The following EDC4 variants were observed in gnomAD, a reference collection of about 807,000 sequenced individuals.
EDC4 encodes enhancer of mRNA-decapping protein 4.
A neutral mutation model predicts 155.8 loss-of-function variants in EDC4; 64 were observed. The ratio of observed to expected loss-of-function variants is 0.41; its 90% CI spans 0.34 to 0.51. The LOEUF (loss-of-function observed/expected upper bound fraction) is 0.51, where lower values mean the gene tolerates loss of function less well. EDC4 is among the 20% of genes least tolerant of loss of function. EDC4 has a pLI of 0.19. For synonymous variants in EDC4, 684 were observed against 716.8 expected (o/e 0.95, Z 0.73); for missense variants, 1,303 against 1,812.5 (o/e 0.72, Z 5.10).
chr16:67,875,077 A>G (rs1463041517), intron 1 of EDC4, among the ~76,000 whole-genome samples: 2 of 152,126 alleles, frequency 1.3e-5, no homozygotes, highest in Non-Finnish European at 2.9e-5. Context: ...GAAACTTGCT[A>G]TGTTCTGAAT....
At position 67,881,548 on chromosome 16, in the gene EDC4, C is replaced by A; in HGVS notation, c.2826+15C>A. On this transcript the variant is annotated intron_variant, in intron 21 of 28. Coordinates refer to ENST00000358933, the MANE Select transcript of EDC4 (RefSeq NM_014329.5). This position sits in a 1 kb window ranked among gnomAD's most constrained non-coding sequence, Gnocchi z 5.4. The stretch of plus-strand genomic sequence containing the variant: ...CAGAGCACCAGGTAAGTGAATGAGC[C>A]CACTTTGTACTTGTGGAACTTCACC... 4 of 1,613,774 alleles carry A rather than the reference C, an allele frequency of 2.5e-6. No individual in the cohort carries two copies. The highest frequency in any genetic ancestry group is 2.5e-6 in the Non-Finnish European group (3 of 1,180,020).
Position 67,884,269 on chromosome 16 carries a change from G to C in EDC4, c.*121G>C. 1 of 980,846 alleles carries C rather than the reference G, an allele frequency of 1.0e-6. No individual in the cohort carries two copies. The highest frequency in any genetic ancestry group is 2.9e-5 in the Admixed American group (1 of 34,558). The allele number at this position is 980,846 out of a possible 1,614,324, so 60.8% of individuals were successfully genotyped here. Reference sequence around the variant, plus strand: ...GGCCCCCATCTCTGGGGTGTTTGGGGGTCAGGGAGCAGGGAGCACTGGCCG... The same window carrying C: ...GGCCCCCATCTCTGGGGTGTTTGGGCGTCAGGGAGCAGGGAGCACTGGCCG... On this transcript the variant is annotated 3_prime_UTR_variant, in exon 29 of 29. Coordinates refer to ENST00000358933, the MANE Select transcript of EDC4 (RefSeq NM_014329.5). The surrounding 1 kb of genome is among the most constrained non-coding windows in gnomAD (Gnocchi z 4.1).
In EDC4 at chr16:67,883,657, C is replaced by T. The variant is rs772013203; in HGVS notation, c.3939C>T (p.Leu1313=). The part of the protein sequence containing the change: ...AQVFGQPPCP[L]SQPVLLSLIQ... ...TTTTTGGGCAGCCACCCTGCCCGCTCTCCCAGCCTGTGCTCCTTTCCCTCA... is the reference window on the plus strand; with the variant it reads ...TTTTTGGGCAGCCACCCTGCCCGCTTTCCCAGCCTGTGCTCCTTTCCCTCA... Residue 1313 remains leucine, a synonymous_variant, in exon 28 of 29, where the codon CTC becomes CTT. Coordinates refer to ENST00000358933, the MANE Select transcript of EDC4 (RefSeq NM_014329.5). The surrounding 1 kb of genome is among the most constrained non-coding windows in gnomAD (Gnocchi z 5.3). 6.2e-7 allele frequency: 1 copy of T among 1,614,230 alleles called. No individual in the cohort carries two copies. Among genetic ancestry groups the T allele is most frequent in the Non-Finnish European group, 8.5e-7 (1 of 1,180,046 alleles).
In EDC4 at chr16:67,876,749, C is replaced by T; in HGVS notation, c.352-124C>T. On this transcript the variant is annotated intron_variant, in intron 3 of 28. Transcript: ENST00000358933. The surrounding 1 kb of genome is among the most constrained non-coding windows in gnomAD (Gnocchi z 5.8). ...CTGGGTGCCAAGCCTCTGTGGGAGT[C>T]TGGCTCCAGGAGGTAACAGTGGGTA... is the stretch of plus-strand genomic sequence containing the variant. 4 of 1,557,824 alleles carry T rather than the reference C, an allele frequency of 2.6e-6. No individual in the cohort carries two copies. Among genetic ancestry groups the T allele is most frequent in the Non-Finnish European group, 3.5e-6 (4 of 1,150,256 alleles).
At chr16:67,873,752 C>T (rs1406526701) in intron 1 of EDC4, among the ~76,000 whole-genome samples, 2 of 152,102 alleles carry the variant, frequency 1.3e-5, no homozygotes, top group East Asian at 1.9e-4. Context: ...GCTGCCGGTC[C>T]CCCTCCATAA....
chr16:67,878,707 G>A lies in EDC4; in HGVS notation c.1185-30G>A. ...GAATGTAGCTTCCTTCAGTTCTCAG[G>A]CTCATTCACTCTGCTTTGTGGCTCT... On this transcript the variant is annotated intron_variant, in intron 10 of 28. Coordinates refer to ENST00000358933, the MANE Select transcript of EDC4 (RefSeq NM_014329.5). This position sits in a 1 kb window ranked among gnomAD's most constrained non-coding sequence, Gnocchi z 5.2. 1.2e-6 allele frequency: 2 copies of A among 1,614,140 alleles called. No individual in the cohort carries two copies. The highest frequency in any genetic ancestry group is 1.7e-6 in the Non-Finnish European group (2 of 1,180,016).
At position 67,881,436 on chromosome 16, in the gene EDC4, G is replaced by A; in HGVS notation, c.2789+19G>A. 1 of 1,614,096 alleles carries A rather than the reference G, an allele frequency of 6.2e-7. No homozygotes were observed. The highest frequency in any genetic ancestry group is 8.5e-7 in the Non-Finnish European group (1 of 1,179,964). On this transcript the variant is annotated intron_variant, in intron 20 of 28. Transcript: ENST00000358933. The surrounding 1 kb of genome is among the most constrained non-coding windows in gnomAD (Gnocchi z 5.4). ...ATGATGGGTAGGGAGAAATCCTAGGGAGGGAGAGGGTGGTCTCTAGGCTGC... is the reference window on the plus strand; with the variant it reads ...ATGATGGGTAGGGAGAAATCCTAGGAAGGGAGAGGGTGGTCTCTAGGCTGC...
rs377160860 is a variant in EDC4, at chr16:67,880,136, C to A, written c.2017C>A (p.Leu673Ile). The change falls in exon 17 of 29, where the codon CTT becomes ATT. Residue 673 changes from leucine (L) to isoleucine (I), a missense_variant. By Grantham distance (5) the Leu-to-Ile change is conservative (BLOSUM62 2). Transcript: ENST00000358933. This position sits in a 1 kb window ranked among gnomAD's most constrained non-coding sequence, Gnocchi z 5.2. ...CCTGACAATGAGCAGCAGTGGCAGCCTTCAGGCAAGCCCGCGTGGCCTCCT... is the reference window on the plus strand; with the variant it reads ...CCTGACAATGAGCAGCAGTGGCAGCATTCAGGCAAGCCCGCGTGGCCTCCT... ...GSLTMSSSGS[L>I]QASPRGLLPG... The A allele has an allele frequency of 4.7e-5, 76 of 1,613,026 alleles. No individual in the cohort carries two copies. The highest frequency in any genetic ancestry group is 6.4e-5 in the Non-Finnish European group (75 of 1,179,812).
In EDC4 at chr16:67,877,046, T is replaced by A; in HGVS notation, c.451+74T>A. On this transcript the variant is annotated intron_variant, in intron 4 of 28. Coordinates refer to ENST00000358933, the MANE Select transcript of EDC4 (RefSeq NM_014329.5). This position sits in a 1 kb window ranked among gnomAD's most constrained non-coding sequence, Gnocchi z 4.9. ...AGAGCCAGTTCCAACATCAGGCCAC[T>A]CAGGCCTTAGGGGTACAATGGAAGG... is the stretch of plus-strand genomic sequence containing the variant. 6.3e-7 allele frequency: 1 copy of A among 1,590,414 alleles called. No individual in the cohort carries two copies. Among genetic ancestry groups the A allele is most frequent in the Admixed American group, 1.7e-5 (1 of 58,488 alleles).
Position 67,878,242 on chromosome 16 carries a change from G to A in EDC4, c.971G>A (p.Trp324Ter). ...TASHDGYVKF[W>*]QIYIEGQDEP... ...AGCCACGATGGCTATGTCAAGTTCT[G>A]GCAGATCTACATTGAGGGGCAAGAT... Residue 324 changes from tryptophan (W) to a stop codon, truncating the protein, a stop_gained, in exon 8 of 29, where the codon TGG becomes TAG. Coordinates refer to ENST00000358933, the MANE Select transcript of EDC4 (RefSeq NM_014329.5). LOFTEE classifies it high-confidence loss of function. This position sits in a 1 kb window ranked among gnomAD's most constrained non-coding sequence, Gnocchi z 5.2. The A allele has an allele frequency of 6.2e-7, 1 of 1,614,082 alleles. No individual in the cohort carries two copies. The highest frequency in any genetic ancestry group is 8.5e-7 in the Non-Finnish European group (1 of 1,180,014).
chr16:67,874,553 G>A (rs1347825871), intron 1 of EDC4, among the ~76,000 whole-genome samples: 1 of 152,204 alleles, frequency 6.6e-6, no homozygotes, highest in Non-Finnish European at 1.5e-5. Flanking sequence ...ATTTGGTAGA[G>A]CCTGGCATGG....
In EDC4 at chr16:67,880,057, C is replaced by G. The variant is rs1015822766; in HGVS notation, c.1944-6C>G. On this transcript the variant is annotated splice_polypyrimidine_tract_variant and splice_region_variant and intron_variant, in intron 16 of 28. Coordinates refer to ENST00000358933, the MANE Select transcript of EDC4 (RefSeq NM_014329.5). The surrounding 1 kb of genome is among the most constrained non-coding windows in gnomAD (Gnocchi z 5.2). ...GGCTGCTGACACCTCAGCCTTCCCC[C>G]ACCAGGCCACCTGAGGAGCTGACCT... is the stretch of plus-strand genomic sequence containing the variant. 3 of 1,596,318 alleles carry G rather than the reference C, an allele frequency of 1.9e-6. No individual in the cohort carries two copies. In the African/African-American group the frequency reaches 4.0e-5, roughly 21 times the overall value.
chr16:67,879,503 A>G lies in EDC4; in HGVS notation c.1633A>G (p.Thr545Ala). Reference sequence around the variant, plus strand: ...CACCCACACTGCCCACGAGGACTTCAGTGAGTAGGGCGTGAGAGGGAGGTA... The same window carrying G: ...CACCCACACTGCCCACGAGGACTTCGGTGAGTAGGGCGTGAGAGGGAGGTA... ...LPTHTAHEDF[T>A]FGESRPELGS... The change falls in exon 14 of 29, where the codon ACA (threonine) becomes GCA (alanine). Residue 545 changes from threonine (T) to alanine (A), a missense_variant and splice_region_variant. Transcript: ENST00000358933. The surrounding 1 kb of genome is among the most constrained non-coding windows in gnomAD (Gnocchi z 6.0). The G allele has an allele frequency of 6.2e-7, 1 of 1,614,166 alleles. No individual in the cohort carries two copies. Among genetic ancestry groups the G allele is most frequent in the Non-Finnish European group, 8.5e-7 (1 of 1,180,020 alleles).
At chr16:67,873,368 C>A in intron 1 of EDC4, 25 bp downstream of exon 1, 1 of 1,420,864 alleles carries the variant, frequency 7.0e-7, no homozygotes, top group Non-Finnish European at 9.2e-7. Flanking sequence ...CGGGGGTGGG[C>A]CCCAGGCGAG....
chr16:67,882,392 C>T lies in EDC4; in HGVS notation c.3277-37C>T. The T allele has an allele frequency of 6.2e-7, 1 of 1,612,554 alleles. No homozygotes were observed. The highest frequency in any genetic ancestry group is 8.5e-7 in the Non-Finnish European group (1 of 1,178,878). On this transcript the variant is annotated intron_variant, in intron 24 of 28. Coordinates refer to ENST00000358933, the MANE Select transcript of EDC4 (RefSeq NM_014329.5). This position sits in a 1 kb window ranked among gnomAD's most constrained non-coding sequence, Gnocchi z 7.2. The stretch of plus-strand genomic sequence containing the variant: ...CTGGGCCTAGTCAGGCCAGGCTGGG[C>T]TCAGGCTTTCAACTTGGCCCCTCCC...
rs1390470313 is a variant in EDC4, at chr16:67,876,003, T to C, written c.141T>C (p.Leu47=). ...SSAYNGDLNG[L]LVPDPLCSGD... is the part of the protein sequence containing the mutation. ...CCTACAATGGGGACCTCAATGGACT[T>C]CTGGTCCCAGACCCGCTCTGCTCAG... The change falls in exon 2 of 29, where the codon CTT becomes CTC. Residue 47 remains leucine, a synonymous_variant. Transcript: ENST00000358933. The surrounding 1 kb of genome is among the most constrained non-coding windows in gnomAD (Gnocchi z 5.8). 2 of 1,614,106 alleles carry C rather than the reference T, an allele frequency of 1.2e-6. No homozygotes were observed. The highest frequency in any genetic ancestry group is 2.7e-5 in the African/African-American group (2 of 74,934).
rs770498868 is a variant in EDC4 at position 67,878,519 on chromosome 16, G to A, written c.1089-17G>A. 6.2e-6 allele frequency: 10 copies of A among 1,614,102 alleles called. No individual in the cohort carries two copies. The African/African-American group carries it at 6.7e-5, about 11-fold the overall frequency. On this transcript the variant is annotated splice_polypyrimidine_tract_variant and intron_variant, in intron 9 of 28. Transcript: ENST00000358933. This position sits in a 1 kb window ranked among gnomAD's most constrained non-coding sequence, Gnocchi z 5.2. ...CAGGGGCCCCAGCCAGTCACTCACTGCCTTGTTGCCTTGCAGTGTCCCTTT... is the reference window on the plus strand; with the variant it reads ...CAGGGGCCCCAGCCAGTCACTCACTACCTTGTTGCCTTGCAGTGTCCCTTT...
chr16:67,883,968 G>A lies in EDC4; in HGVS notation c.4026G>A (p.Glu1342=). The change falls in exon 29 of 29, where the codon GAG becomes GAA. Residue 1342 remains glutamate (E), a synonymous_variant. Coordinates refer to ENST00000358933, the MANE Select transcript of EDC4 (RefSeq NM_014329.5). The surrounding 1 kb of genome is among the most constrained non-coding windows in gnomAD (Gnocchi z 5.3). ...RTDLKLSYLE[E]AVMHLDHSDP... ...CCCCCATCCCCAGCTACCTGGAAGAGGCCGTGATGCACCTGGACCACAGTG... is the reference window on the plus strand; with the variant it reads ...CCCCCATCCCCAGCTACCTGGAAGAAGCCGTGATGCACCTGGACCACAGTG... The A allele has an allele frequency of 6.2e-7, 1 of 1,600,270 alleles. No homozygotes were observed. Among genetic ancestry groups the A allele is most frequent in the East Asian group, 2.2e-5 (1 of 44,536 alleles).
rs1468766656 is a variant in EDC4, at chr16:67,881,489, T to TA, written c.2790-7dup. The stretch of plus-strand genomic sequence containing the variant: ...CACATAGCCTGAGGTGCTTCTCGCC[T>TA]ATGGCAGGGATGCAGCCATGGGATC... On this transcript the variant is annotated splice_polypyrimidine_tract_variant and splice_region_variant and intron_variant, in intron 20 of 28. Coordinates refer to ENST00000358933, the MANE Select transcript of EDC4 (RefSeq NM_014329.5). The surrounding 1 kb of genome is among the most constrained non-coding windows in gnomAD (Gnocchi z 5.4). 1 of 1,614,020 alleles carries TA rather than the reference T, an allele frequency of 6.2e-7. No homozygotes were observed. The highest frequency in any genetic ancestry group is 1.3e-5 in the African/African-American group (1 of 74,932).
Sources: gnomAD v4.1 joint callset for allele counts (sites outside exome capture counted in the v4.1 genomes callset) on GRCh38, gnomAD v4.1.1 for gene constraint, Gnocchi (gnomAD v3.1) non-coding constraint, MANE v1.5 for transcripts, NCBI Gene and HGNC (gene_info 2026-07-23, HGNC 2026-07-21) for gene names.